The following CRHR2 variants were observed in gnomAD, a reference collection of about 807,000 sequenced individuals.
The protein encoded by CRHR2 is corticotropin-releasing hormone receptor 2.
In CRHR2, 53 loss-of-function variants were observed where a neutral mutation model predicts 57.9. The ratio of observed to expected loss-of-function variants is 0.92; its 90% CI spans 0.73 to 1.15. The LOEUF is 1.15. Among genes scored for constraint, CRHR2 ranks in the 50% most tolerant of loss-of-function variants. CRHR2 has a pLI of 0.00. For missense variants in CRHR2, 532 were observed against 542.6 expected, an observed-to-expected ratio of 0.98 and a Z score of 0.19; for synonymous variants, 213 against 220.9, an observed-to-expected ratio of 0.96 and a Z score of 0.32.
chr7:30,686,703 A>G, upstream of CRHR2: 1 of 462,806 alleles, frequency 2.2e-6, no homozygotes, highest in South Asian at 2.3e-5. Context: ...CTCATAATAT[A>G]TGCCCTAATA....
At chr7:30,666,490 G>A (rs181863178) in intron 3 of CRHR2, among the ~76,000 whole-genome samples, 1 of 152,370 alleles carries the variant, frequency 6.6e-6, no homozygotes, top group Admixed American at 6.5e-5. Flanking sequence ...CAGAGAGAGT[G>A]GAGGTGAGGA....
intron 2 of CRHR2, among the ~76,000 whole-genome samples, chr7:30,670,990 G>A (rs562844313): frequency 6.6e-6 from 1 of 152,276 alleles, no homozygotes; most frequent in African/African-American, 2.4e-5. Flanking sequence ...GGCTCTCCCC[G>A]TTTCAGATGC....
At position 30,664,028 on chromosome 7, in the gene CRHR2, C is replaced by T. The variant is rs143064359; in HGVS notation, c.543+1042G>A. ...AAGTCCTGCTGAGGTGGGAAGCTAC[C>T]AAGCCCCTCCTCCCAACCCTACTTT... On this transcript the variant is annotated intron_variant, in intron 5 of 11. Coordinates refer to ENST00000471646, the MANE Select transcript of CRHR2 (RefSeq NM_001883.5). 1.8e-3 allele frequency among the ~76,000 whole-genome samples: 269 copies of T among 152,318 alleles called. 1 individual carries two copies. The highest frequency in any genetic ancestry group is 6.2e-3 in the African/African-American group (257 of 41,572).
intron 5 of CRHR2, among the ~76,000 whole-genome samples, chr7:30,663,113 A>G (rs1171442153): frequency 6.6e-6 from 1 of 152,182 alleles, no homozygotes; most frequent in African/African-American, 2.4e-5. Context: ...TCATTCTAGT[A>G]AAGAGAGCAA....
At chr7:30,676,961 C>G (rs535485386) in intron 2 of CRHR2, among the ~76,000 whole-genome samples, 2 of 152,288 alleles carry the variant, frequency 1.3e-5, no homozygotes, top group South Asian at 4.1e-4. Context: ...TAGGACATTG[C>G]GGAGCTTGAG....
chr7:30,673,714 C>T (rs1355845668), intron 2 of CRHR2, among the ~76,000 whole-genome samples: 1 of 152,184 alleles, frequency 6.6e-6, no homozygotes, highest in Non-Finnish European at 1.5e-5. Context: ...GGTGCATCTC[C>T]TTGAGTCAGC....
chr7:30,682,130 G>A (rs1223436855), intron 1 of CRHR2, 48 bp downstream of exon 1: 1 of 1,534,972 alleles, frequency 6.5e-7, no homozygotes, highest in Non-Finnish European at 8.7e-7. Context: ...CACCCAGCGC[G>A]CGAGAGAAGG....
intron 1 of CRHR2, among the ~76,000 whole-genome samples, chr7:30,690,900 G>T (rs1186448371): frequency 6.6e-6 from 1 of 152,236 alleles, no homozygotes; most frequent in Non-Finnish European, 1.5e-5. Context: ...TGTTGTGTGT[G>T]TGTCTCGGCA....
At position 30,699,852 on chromosome 7, in the gene CRHR2, C is replaced by G. The variant is rs540941475; in HGVS notation, c.-261+92G>C. On this transcript the variant is annotated intron_variant, in intron 1 of 13. Coordinates refer to the CRHR2 transcript ENST00000341843. ...AAGGATCCCCGATCCAGCCCAGCCACCAGGCCCTGAGACCCCCGCCCCTAG... is the reference window on the plus strand; with the variant it reads ...AAGGATCCCCGATCCAGCCCAGCCAGCAGGCCCTGAGACCCCCGCCCCTAG... 9.1e-5 allele frequency: 88 copies of G among 963,698 alleles called. No individual in the cohort carries two copies. The African/African-American group carries it at 1.4e-3, about 15-fold the overall frequency. The allele number at this position is 963,698 out of a possible 1,614,324, so 59.7% of individuals were successfully genotyped here.
chr7:30,674,184 CA>C (rs986822504), intron 2 of CRHR2, among the ~76,000 whole-genome samples: 9 of 152,156 alleles, frequency 5.9e-5, no homozygotes, highest in African/African-American at 2.2e-4. Context: ...AGGCACTGAG[CA>C]GTTTAATGGA....
At chr7:30,673,850 G>T (rs1784437244) in intron 2 of CRHR2, among the ~76,000 whole-genome samples, 1 of 152,178 alleles carries the variant, frequency 6.6e-6, no homozygotes, top group Admixed American at 6.5e-5. Context: ...GGCAGCTGGT[G>T]ATGTTCACCC....
chr7:30,686,440 C>G (rs777060118), upstream of CRHR2: 38 of 1,533,126 alleles, frequency 2.5e-5, 1 homozygote, highest in South Asian at 1.9e-4. Flanking sequence ...GGCCAAGGCT[C>G]TCTTCCCATT....
At chr7:30,663,591 T>C (rs1002163011) in intron 5 of CRHR2, among the ~76,000 whole-genome samples, 7 of 152,204 alleles carry the variant, frequency 4.6e-5, no homozygotes, top group Admixed American at 3.9e-4. Flanking sequence ...AATGTGTCCC[T>C]GTCCCTCTGA....
chr7:30,690,726 A>G (rs1784944183), intron 1 of CRHR2, among the ~76,000 whole-genome samples: 1 of 152,092 alleles, frequency 6.6e-6, no homozygotes, highest in Non-Finnish European at 1.5e-5. Flanking sequence ...GCTTCTAATG[A>G]ATGACCCCAC....
chr7:30,686,323 C>T, upstream of CRHR2: 8 of 1,436,890 alleles, frequency 5.6e-6, no homozygotes, highest in Non-Finnish European at 7.3e-6. Context: ...TTCACTAACC[C>T]ATCCCCAGCA....
intron 1 of CRHR2, among the ~76,000 whole-genome samples, chr7:30,695,159 G>A (rs1785032925): frequency 6.6e-6 from 1 of 151,044 alleles, no homozygotes; most frequent in Non-Finnish European, 1.5e-5. Context: ...GAGACTGGCC[G>A]AGGGGCGGGC....
chr7:30,654,768 C>T (rs1312121742), intron 11 of CRHR2: 1 of 1,536,576 alleles, frequency 6.5e-7, no homozygotes, highest in East Asian at 2.4e-5. Context: ...CTTCTCTCTT[C>T]CATGAGGCCC....
At chr7:30,662,592 G>GT in intron 6 of CRHR2, 102 bp downstream of exon 6, 1 of 1,438,088 alleles carries the variant, frequency 7.0e-7, no homozygotes, top group Non-Finnish European at 9.5e-7. Context: ...GCTGGGGGTG[G>GT]AGGGCAGGGC....
chr7:30,689,172 G>T, intron 2 of CRHR2: 1 of 1,546,016 alleles, frequency 6.5e-7, no homozygotes, highest in Non-Finnish European at 8.7e-7. Flanking sequence ...GCTGCAGGGT[G>T]GTGGCAGAGG....
Sources: allele counts gnomAD v4.1 joint callset (sites outside exome capture counted in the v4.1 genomes callset), GRCh38; gene constraint gnomAD v4.1.1; transcripts MANE v1.5; gene names NCBI Gene and HGNC (gene_info 2026-07-23, HGNC 2026-07-21).